SPATA7: variants seen among roughly 807,000 people sequenced by gnomAD.
SPATA7 encodes the protein spermatogenesis-associated protein 7.
A neutral mutation model predicts 51.8 loss-of-function variants in SPATA7; 43 were observed. The ratio of observed to expected loss-of-function variants is 0.83; its 90% CI spans 0.65 to 1.07. SPATA7 has a LOEUF of 1.07. Ranked by LOEUF, SPATA7 falls within the 50% of genes least tolerant of loss-of-function variation. The probability of loss-of-function intolerance (pLI) is 0.00; values close to 1 mark genes in which losing one functional copy is unlikely to be tolerated. For synonymous variants in SPATA7, 230 were observed against 252.8 expected (o/e 0.91, Z 0.86); for missense variants, 683 against 701.3 (o/e 0.97, Z 0.30).
chr14:88,453,407 G>C (rs1239159072), intron 3 of SPATA7, among the ~76,000 whole-genome samples: 1 of 152,148 alleles, frequency 6.6e-6, no homozygotes, highest in Non-Finnish European at 1.5e-5. Flanking sequence ...TAGAAGGCTG[G>C]CCTTAAAAAG....
intron 8 of SPATA7, among the ~76,000 whole-genome samples, 199 bp from the exon 9 acceptor site, chr14:88,430,973 T>G (rs960596736): frequency 3.9e-5 from 6 of 152,196 alleles, no homozygotes; most frequent in East Asian, 3.8e-4. Flanking sequence ...GGAACATTTT[T>G]GGATTTCAGA....
intron 4 of SPATA7, among the ~76,000 whole-genome samples, chr14:88,405,294 C>T (rs891804744): frequency 6.6e-6 from 1 of 152,168 alleles, no homozygotes; most frequent in African/African-American, 2.4e-5. Flanking sequence ...GTGGCCATTG[C>T]AAAGACTTTG....
chr14:88,439,745 C>T (rs2077164792), downstream of SPATA7, among the ~76,000 whole-genome samples: 1 of 152,088 alleles, frequency 6.6e-6, no homozygotes, highest in Non-Finnish European at 1.5e-5. Context: ...TCATGGGATG[C>T]TGACCATCAC....
chr14:88,426,201 A>T, intron 5 of SPATA7, 31 bp from the exon 6 acceptor site: 1 of 1,478,414 alleles, frequency 6.8e-7, no homozygotes, highest in South Asian at 1.1e-5. Context: ...TTCGTAATGC[A>T]GTTGATGACT....
intron 3 of SPATA7, among the ~76,000 whole-genome samples, chr14:88,445,657 C>T (rs1209734676): frequency 6.6e-6 from 1 of 151,904 alleles, no homozygotes; most frequent in Non-Finnish European, 1.5e-5. Context: ...TGAAATACGT[C>T]CCATCAATAC....
intron 3 of SPATA7, chr14:88,454,966 G>A (rs2077274762): frequency 2.5e-6 from 1 of 407,640 alleles, no homozygotes; most frequent in South Asian, 1.8e-5. Flanking sequence ...AAATCACCTG[G>A]AAAACTAAAG....
chr14:88,427,410 T>C (rs534349653), intron 6 of SPATA7, among the ~76,000 whole-genome samples: 60 of 152,200 alleles, frequency 3.9e-4, no homozygotes, highest in Non-Finnish European at 6.6e-4. Flanking sequence ...AAAAACAATT[T>C]AAGATTAGTA....
chr14:88,448,440 G>A (rs1459025365), intron 3 of SPATA7, among the ~76,000 whole-genome samples: 32 of 151,896 alleles, frequency 2.1e-4, no homozygotes, highest in African/African-American at 4.8e-4. Context: ...ATGTCCTCCC[G>A]TAGCTCGGAG....
intron 8 of SPATA7, 86 bp from the exon 9 acceptor site, chr14:88,431,086 C>T (rs2076926481): frequency 8.7e-7 from 1 of 1,153,388 alleles, no homozygotes; most frequent in African/African-American, 1.5e-5. Context: ...AAGGGCTATT[C>T]AGTGTGTACT....
At chr14:88,434,744 A>G in intron 10 of SPATA7, among the ~76,000 whole-genome samples, 1 of 152,062 alleles carries the variant, frequency 6.6e-6, no homozygotes, top group Non-Finnish European at 1.5e-5. Flanking sequence ...CCCAAATAGT[A>G]TGTATTGTTT....
intron 4 of SPATA7, chr14:88,468,827 G>T: frequency 6.5e-7 from 1 of 1,530,036 alleles, no homozygotes; most frequent in Non-Finnish European, 9.0e-7. Context: ...AAGGAAATGT[G>T]CGCAAAAAGA....
intron 9 of SPATA7, 82 bp downstream of exon 9, chr14:88,431,307 T>A: frequency 3.8e-6 from 5 of 1,325,152 alleles, no homozygotes; most frequent in Non-Finnish European, 5.4e-6. Flanking sequence ...TAAGTCAGGA[T>A]TGAACAATAA....
intron 5 of SPATA7, among the ~76,000 whole-genome samples, chr14:88,417,319 T>C (rs2076512000): frequency 7.2e-6 from 1 of 139,198 alleles, no homozygotes; most frequent in African/African-American, 2.6e-5. Context: ...TTTTTTTTTA[T>C]ATATATATAT....
At chr14:88,454,584 C>T (rs2140053387) in intron 3 of SPATA7, among the ~76,000 whole-genome samples, 1 of 152,234 alleles carries the variant, frequency 6.6e-6, no homozygotes, top group African/African-American at 2.4e-5. Context: ...GGGAGGATCG[C>T]TTGAGCTCAA....
At chr14:88,450,409 T>G (rs141328941) in intron 3 of SPATA7, among the ~76,000 whole-genome samples, 308 of 152,250 alleles carry the variant, frequency 2.0e-3, no homozygotes, top group Admixed American at 3.3e-3. Context: ...TCCTGTGAGA[T>G]TTATGCTTTA....
chr14:88,414,383 T>A (rs568761995), intron 4 of SPATA7, among the ~76,000 whole-genome samples: 1 of 152,156 alleles, frequency 6.6e-6, no homozygotes, highest in East Asian at 1.9e-4. Context: ...TCTTTTCTAT[T>A]TCTGTGGGGT....
intron 5 of SPATA7, among the ~76,000 whole-genome samples, chr14:88,425,735 T>C (rs2076771303): frequency 6.6e-6 from 1 of 152,082 alleles, no homozygotes; most frequent in African/African-American, 2.4e-5. Flanking sequence ...ATTTAAATTA[T>C]CAATTACCTA....
rs550675797 is a variant in SPATA7, at chr14:88,385,707, A to C, written c.-112A>C. The C allele has an allele frequency of 2.1e-4, 221 of 1,042,038 alleles. No homozygotes were observed. The highest frequency in any genetic ancestry group is 5.1e-4 in the Middle Eastern group (2 of 3,930). 64.5% of individuals were successfully genotyped at this position (1,042,038 alleles called of 1,614,324 possible). On this transcript the variant is annotated 5_prime_UTR_variant, in exon 1 of 12. Coordinates refer to ENST00000393545, the MANE Select transcript of SPATA7 (RefSeq NM_018418.5). ...CTGGCAACGGTTTCCCTGCTGCTGC[A>C]GCCCCCGTCGGCTCCTCTTTTCCAG...
intron 5 of SPATA7, among the ~76,000 whole-genome samples, chr14:88,420,693 A>G (rs898243083): frequency 2.0e-5 from 3 of 152,176 alleles, no homozygotes; most frequent in Admixed American, 6.5e-5. Flanking sequence ...TATTTCACCT[A>G]TATGCCCACT....
Sources: allele counts gnomAD v4.1 joint callset (sites outside exome capture counted in the v4.1 genomes callset), GRCh38; gene constraint gnomAD v4.1.1; transcripts MANE v1.5; gene names NCBI Gene and HGNC (gene_info 2026-07-23, HGNC 2026-07-21).